IL21R: variants seen among roughly 807,000 people sequenced by gnomAD.
IL21R encodes interleukin 21 receptor.
In IL21R, 14 loss-of-function variants were observed where a neutral mutation model predicts 41.3. The observed-to-expected ratio is 0.34, with a 90% confidence interval of 0.22 to 0.53. The LOEUF is 0.53. Ranked by LOEUF, IL21R falls within the 20% of genes least tolerant of loss-of-function variation. The pLI is 0.94. For missense variants in IL21R, 588 were observed against 681.6 expected, an observed-to-expected ratio of 0.86 and a Z score of 1.53; for synonymous variants, 286 against 287.6, an observed-to-expected ratio of 0.99 and a Z score of 0.05.
At chr16:27,418,920 A>G (rs1168996685) in intron 1 of IL21R, among the ~76,000 whole-genome samples, 2 of 151,424 alleles carry the variant, frequency 1.3e-5, no homozygotes, top group Non-Finnish European at 2.9e-5. Flanking sequence ...TTTTTTTGTT[A>G]AAACCTAAGA....
chr16:27,437,808 G>A lies in IL21R; in HGVS notation c.352+121G>A, dbSNP rs556105774. 15 of 746,528 alleles carry A rather than the reference G, an allele frequency of 2.0e-5. No individual in the cohort carries two copies. The South Asian group carries it at 2.3e-4, about 11-fold the overall frequency. The allele number at this position is 746,528 out of a possible 1,614,324, so 46.2% of individuals were successfully genotyped here. A position where few individuals can be genotyped will look rare whatever the true frequency, so the allele number is the denominator to read the frequency against. On this transcript the variant is annotated intron_variant, in intron 4 of 8. Coordinates refer to ENST00000337929, the MANE Select transcript of IL21R (RefSeq NM_181078.3). ...CTCCCGTGTAGCTGGGACAACAGGT[G>A]TACACCACTACACCCAGCTAATTTT...
At position 27,444,591 on chromosome 16, in the gene IL21R, T is replaced by C. The variant is rs747558325; in HGVS notation, c.557T>C (p.Leu186Pro). The C allele has an allele frequency of 1.1e-5, 18 of 1,569,574 alleles. No individual in the cohort carries two copies. Among genetic ancestry groups the C allele is most frequent in the Non-Finnish European group, 1.4e-5 (16 of 1,158,682 alleles). The change falls in exon 6 of 9, where the codon CTC becomes CCC. Residue 186 changes from leucine (L) to proline (P), a missense_variant. Leu to Pro is a moderately conservative substitution (Grantham distance 98, BLOSUM62 -3). Transcript: ENST00000337929. ...GTGGACTCAAGAAGTGTCTCCCTCCTCCCCCTGGAGTTCCGCAAAGACTCG... is the reference window on the plus strand; with the variant it reads ...GTGGACTCAAGAAGTGTCTCCCTCCCCCCCCTGGAGTTCCGCAAAGACTCG... ...ISVDSRSVSL[L>P]PLEFRKDSSY...
chr16:27,428,277 T>C (rs1341198298), intron 1 of IL21R, among the ~76,000 whole-genome samples: 2 of 152,234 alleles, frequency 1.3e-5, no homozygotes, highest in African/African-American at 2.4e-5. Context: ...GCCACACAGC[T>C]GGTCATCTGA....
chr16:27,422,258 T>C (rs1234228511), intron 1 of IL21R, among the ~76,000 whole-genome samples: 1 of 152,106 alleles, frequency 6.6e-6, no homozygotes, highest in Non-Finnish European at 1.5e-5. Context: ...TATGCCTAGA[T>C]GTGGTTTTCT....
At chr16:27,434,279 GATGGAGAGGAAGCTC>G in intron 2 of IL21R, 53 bp from the exon 3 acceptor site, 1 of 991,736 alleles carries the variant, frequency 1.0e-6, no homozygotes. Context: ...CCCTCGAGGG[GATGGAGAGGAAGCTC>G]TGCAGTCCCA....
At chr16:27,425,737 G>T (rs1437393404) in intron 1 of IL21R, among the ~76,000 whole-genome samples, 6 of 152,018 alleles carry the variant, frequency 3.9e-5, no homozygotes, top group African/African-American at 1.5e-4. Flanking sequence ...TGTATTTTTA[G>T]TAGAGATGGG....
At position 27,451,884 on chromosome 16, in the gene IL21R, A is replaced by G. The variant is rs1357602225; in HGVS notation, c.*2601A>G. ...TTAATGGCTTTAATAAAAAGCTTGA[A>G]GGAAGAATGATTGGTTGGATAGACA... On this transcript the variant is annotated 3_prime_UTR_variant, in exon 9 of 9. Transcript: ENST00000337929. The G allele has an allele frequency of 4.3e-6, 1 of 230,094 alleles. No homozygotes were observed. Among genetic ancestry groups the G allele is most frequent in the Admixed American group, 5.7e-5 (1 of 17,648 alleles). 14.3% of individuals were successfully genotyped at this position (230,094 alleles called of 1,614,324 possible). A position where few individuals can be genotyped will look rare whatever the true frequency, so the allele number is the denominator to read the frequency against.
intron 4 of IL21R, among the ~76,000 whole-genome samples, chr16:27,440,297 A>G (rs1261929737): frequency 4.6e-5 from 6 of 129,510 alleles, no homozygotes; most frequent in Non-Finnish European, 6.6e-5. Context: ...AGCGCGCGCC[A>G]GGGTGTAGCT....
chr16:27,440,277 A>AGCGAGC (rs1555498067), intron 4 of IL21R, among the ~76,000 whole-genome samples: 1 of 136,646 alleles, frequency 7.3e-6, no homozygotes, highest in Non-Finnish European at 1.5e-5. Flanking sequence ...AGAGAGAGAG[A>AGCGAGC]GAGCGAGCAA....
chr16:27,428,235 A>C (rs2087110498), intron 1 of IL21R, among the ~76,000 whole-genome samples: 2 of 152,310 alleles, frequency 1.3e-5, no homozygotes, highest in Non-Finnish European at 2.9e-5. Flanking sequence ...TCCACTTTAC[A>C]AGGCTCAGAG....
At position 27,442,951 on chromosome 16, in the gene IL21R, T is replaced by G. The variant is rs774981005; in HGVS notation, c.353-11T>G. ...TCACCCCATTTTCTTTTCCTGGGTT[T>G]TTCCACCAAGTCAAGCCGGCTCCCC... On this transcript the variant is annotated splice_polypyrimidine_tract_variant and intron_variant, in intron 4 of 8. Coordinates refer to ENST00000337929, the MANE Select transcript of IL21R (RefSeq NM_181078.3). 1 of 1,568,476 alleles carries G rather than the reference T, an allele frequency of 6.4e-7. No homozygotes were observed. The highest frequency in any genetic ancestry group is 8.6e-7 in the Non-Finnish European group (1 of 1,156,288).
chr16:27,430,899 G>T (rs909017624), intron 2 of IL21R, among the ~76,000 whole-genome samples: 1 of 152,226 alleles, frequency 6.6e-6, no homozygotes. Flanking sequence ...GCTGGGGACA[G>T]GAGGAAGAGC....
chr16:27,445,962 G>A (rs761632214), intron 7 of IL21R, 45 bp from the exon 8 acceptor site: 30 of 1,498,994 alleles, frequency 2.0e-5, no homozygotes, highest in Non-Finnish European at 2.6e-5. Context: ...AGGCCAGGCT[G>A]CCCTCTGGTG....
At position 27,408,062 on chromosome 16, in the gene IL21R, A is replaced by C. The variant is rs141252769; in HGVS notation, c.-17+5444A>C. On this transcript the variant is annotated intron_variant, in intron 1 of 8. Transcript: ENST00000337929. Reference sequence around the variant, plus strand: ...AATGTTTTGAGCACCCACTGTAGGCACTGGTTAGTTACTGGGGATTCAGCA... The same window carrying C: ...AATGTTTTGAGCACCCACTGTAGGCCCTGGTTAGTTACTGGGGATTCAGCA... Among the ~76,000 whole-genome samples the C allele has an allele frequency of 3.1e-3, 477 of 152,304 alleles. 2 individuals carry two copies. The highest frequency in any genetic ancestry group is 0.011 in the African/African-American group (452 of 41,570).
intron 2 of IL21R, among the ~76,000 whole-genome samples, chr16:27,431,922 G>A (rs574014485): frequency 6.6e-5 from 10 of 152,264 alleles, no homozygotes; most frequent in South Asian, 2.1e-4. Flanking sequence ...TGGGATTACC[G>A]CACCCAGCCC....
At chr16:27,424,328 C>A (rs2087042792) in intron 1 of IL21R, among the ~76,000 whole-genome samples, 2 of 152,200 alleles carry the variant, frequency 1.3e-5, no homozygotes, top group South Asian at 4.2e-4. Context: ...CCCACCTCGG[C>A]CTCCCAAAGT....
intron 1 of IL21R, among the ~76,000 whole-genome samples, chr16:27,414,000 T>C (rs185680824): frequency 1.3e-5 from 2 of 152,152 alleles, no homozygotes; most frequent in Admixed American, 6.5e-5. Flanking sequence ...TCAATTCTTA[T>C]ATAACTTAAA....
intron 2 of IL21R, among the ~76,000 whole-genome samples, chr16:27,431,110 C>G (rs1042430701): frequency 6.6e-6 from 1 of 152,122 alleles, no homozygotes; most frequent in Admixed American, 6.6e-5. Flanking sequence ...TGGAGGCCGG[C>G]CTAGGGGCAG....
chr16:27,427,378 G>C (rs2141280141), intron 1 of IL21R: 1 of 951,652 alleles, frequency 1.1e-6, no homozygotes, highest in South Asian at 4.9e-5. Flanking sequence ...AATTAGGAGG[G>C]ATGAGGAGTT....
Sources: gnomAD v4.1 joint callset for allele counts (sites outside exome capture counted in the v4.1 genomes callset) on GRCh38, gnomAD v4.1.1 for gene constraint, MANE v1.5 for transcripts, NCBI Gene and HGNC (gene_info 2026-07-23, HGNC 2026-07-21) for gene names.